The following RNF111 variants were observed in gnomAD, a reference collection of about 807,000 sequenced individuals.
RNF111 encodes ring finger protein 111, also known as E3 ubiquitin-protein ligase Arkadia.
RNF111 carries 17 observed loss-of-function variants against 95.1 expected under a neutral mutation model. The ratio of observed to expected loss-of-function variants is 0.18; its 90% CI spans 0.12 to 0.27. The LOEUF (loss-of-function observed/expected upper bound fraction) is 0.27. Ranked by LOEUF, RNF111 falls within the 10% of genes least tolerant of loss-of-function variation. The probability of loss-of-function intolerance (pLI) is 1.00; values close to 1 mark genes in which losing one functional copy is unlikely to be tolerated. For synonymous variants in RNF111, 440 were observed against 414.8 expected (o/e 1.06, Z -0.74); for missense variants, 1,189 against 1,210.4 (o/e 0.98, Z 0.26).
At chr15:59,092,752 T>C (rs748952538) in intron 13 of RNF111, 112 bp downstream of exon 13, 63 of 1,100,052 alleles carry the variant, frequency 5.7e-5, no homozygotes, top group Non-Finnish European at 7.2e-5. Context: ...CCAGCACTTT[T>C]TGAGGCCAAG....
intron 5 of RNF111, among the ~76,000 whole-genome samples, chr15:59,062,728 C>T (rs2042494836): frequency 6.6e-6 from 1 of 152,150 alleles, no homozygotes; most frequent in African/African-American, 2.4e-5. Flanking sequence ...GGTGAAGTAA[C>T]ATATCCAAGG....
intron 1 of RNF111, among the ~76,000 whole-genome samples, chr15:59,019,105 A>ATT (rs35154303): frequency 1.6e-5 from 2 of 121,286 alleles, no homozygotes; most frequent in Non-Finnish European, 1.7e-5. Context: ...GTATTTTTGT[A>ATT]TTTTTTTTTT....
rs2043163952 is a variant in RNF111 at position 59,076,301 on chromosome 15, G to C, written c.1948+86G>C. ...CCTTATGAAATAACCTTTAATCCCA[G>C]TTCTTAAATTTTTAGTATTTACTTG... On this transcript the variant is annotated intron_variant, in intron 7 of 13. Coordinates refer to ENST00000348370, the MANE Select transcript of RNF111 (RefSeq NM_017610.8). 8.2e-6 allele frequency: 12 copies of C among 1,454,952 alleles called. No homozygotes were observed. In the South Asian group the frequency reaches 1.3e-4, roughly 16 times the overall value. The allele number at this position is 1,454,952 out of a possible 1,614,324, so 90.1% of individuals were successfully genotyped here.
intron 2 of RNF111, among the ~76,000 whole-genome samples, chr15:59,051,495 G>A (rs1298180101): frequency 1.3e-5 from 2 of 149,892 alleles, no homozygotes; most frequent in African/African-American, 2.5e-5. Context: ...ACAAATTTTG[G>A]CTGGGTGCAG....
At position 59,042,174 on chromosome 15, in the gene RNF111, G is replaced by T. The variant is rs150305127; in HGVS notation, c.881-10131G>T. Reference sequence around the variant, plus strand: ...GGATCTCACTCTGTCACCCAGGATGGAGTGCAGCATATTGCTGCCTCGGCT... The same window carrying T: ...GGATCTCACTCTGTCACCCAGGATGTAGTGCAGCATATTGCTGCCTCGGCT... On this transcript the variant is annotated intron_variant, in intron 2 of 13. Coordinates refer to ENST00000348370, the MANE Select transcript of RNF111 (RefSeq NM_017610.8). Among the ~76,000 whole-genome samples, 313 of 151,906 alleles carry T rather than the reference G, an allele frequency of 2.1e-3. 1 individual carries two copies. The highest frequency in any genetic ancestry group is 7.1e-3 in the African/African-American group (296 of 41,408).
chr15:59,059,729 C>G (rs188296440), intron 5 of RNF111, among the ~76,000 whole-genome samples: 2 of 152,236 alleles, frequency 1.3e-5, no homozygotes, highest in African/African-American at 4.8e-5. Context: ...CTCTGGCTCT[C>G]TCTTATATCC....
intron 1 of RNF111, among the ~76,000 whole-genome samples, chr15:59,013,223 A>T (rs2039912226): frequency 6.6e-6 from 1 of 152,206 alleles, no homozygotes; most frequent in African/African-American, 2.4e-5. Context: ...TTACATTTAC[A>T]TTGCAAAAAT....
chr15:59,041,961 A>ATTTTTTTTTTTTT (rs79347638), intron 2 of RNF111, among the ~76,000 whole-genome samples: 6 of 100,106 alleles, frequency 6.0e-5, no homozygotes, highest in African/African-American at 1.2e-4. Flanking sequence ...GTCTGTTCAT[A>ATTTTTTTTTTTTT]TTTTTTTTTT....
chr15:59,000,724 A>G (rs1046921720), intron 1 of RNF111, among the ~76,000 whole-genome samples: 6 of 151,880 alleles, frequency 4.0e-5, no homozygotes, highest in Non-Finnish European at 5.9e-5. Context: ...AAAAAAAAAA[A>G]GATAACTGCT....
In RNF111 at chr15:59,091,216, C is replaced by CT. The variant is rs1181265183; in HGVS notation, c.2739+68dup. On this transcript the variant is annotated intron_variant, in intron 12 of 13. Transcript: ENST00000348370. ...TGAAAGGCATAAATGTAATATATACCTTTTTTGAATTTGTAGACTCTAGCA... is the reference window on the plus strand; with the variant it reads ...TGAAAGGCATAAATGTAATATATACCTTTTTTTGAATTTGTAGACTCTAGCA... 1.7e-5 allele frequency: 15 copies of CT among 904,614 alleles called. No individual in the cohort carries two copies. In the Admixed American group the frequency reaches 2.2e-4, roughly 13 times the overall value. 56.0% of individuals were successfully genotyped at this position (904,614 alleles called of 1,614,324 possible).
At chr15:59,091,225 A>C in intron 12 of RNF111, 71 bp downstream of exon 12, 1 of 816,300 alleles carries the variant, frequency 1.2e-6, no homozygotes, top group Non-Finnish European at 2.0e-6. Flanking sequence ...CCTTTTTTGA[A>C]TTTGTAGACT....
chr15:59,032,079 C>G lies in RNF111; in HGVS notation c.880+377C>G, dbSNP rs563671631. The stretch of plus-strand genomic sequence containing the variant: ...TCAGCCTCCCAAGTAGCCAGGATTA[C>G]AGGTGCCCACCACCATGCCCAGCTA... On this transcript the variant is annotated intron_variant, in intron 2 of 13. Transcript: ENST00000348370. Among the ~76,000 whole-genome samples, 3 of 152,174 alleles carry G rather than the reference C, an allele frequency of 2.0e-5. No individual in the cohort carries two copies. The East Asian group carries it at 5.8e-4, about 29-fold the overall frequency.
chr15:59,042,579 G>A (rs1276715777), intron 2 of RNF111, among the ~76,000 whole-genome samples: 13 of 152,100 alleles, frequency 8.5e-5, no homozygotes, highest in Admixed American at 8.5e-4. Context: ...TTAACATTTA[G>A]AGCATAGATC....
chr15:59,002,704 G>A (rs2039376069), intron 1 of RNF111, among the ~76,000 whole-genome samples: 1 of 152,126 alleles, frequency 6.6e-6, no homozygotes, highest in South Asian at 2.1e-4. Flanking sequence ...TAAAAATGTG[G>A]CACACAGTTC....
At chr15:59,082,334 C>T (rs1000782777) in intron 8 of RNF111, among the ~76,000 whole-genome samples, 26 of 151,886 alleles carry the variant, frequency 1.7e-4, no homozygotes, top group Non-Finnish European at 3.1e-4. Flanking sequence ...TCTGCAATAT[C>T]GTGTGGTAAA....
chr15:58,992,634 G>C (rs1357362012), intron 1 of RNF111, among the ~76,000 whole-genome samples: 4 of 152,016 alleles, frequency 2.6e-5, no homozygotes, highest in African/African-American at 9.7e-5. Flanking sequence ...GCTGGGCAAT[G>C]TGACGAAATT....
At chr15:59,027,190 G>A (rs1310038770) in intron 1 of RNF111, among the ~76,000 whole-genome samples, 2 of 152,114 alleles carry the variant, frequency 1.3e-5, no homozygotes, top group African/African-American at 4.8e-5. Context: ...CGGATGAGGA[G>A]TCTAATTTTT....
At chr15:59,022,169 A>G (rs1343531945) in intron 1 of RNF111, among the ~76,000 whole-genome samples, 2 of 152,072 alleles carry the variant, frequency 1.3e-5, no homozygotes, top group Admixed American at 6.5e-5. Context: ...CAAGCTTCCT[A>G]TAAAATATTT....
intron 1 of RNF111, among the ~76,000 whole-genome samples, chr15:59,025,755 A>G (rs1344208624): frequency 1.3e-5 from 2 of 148,424 alleles, no homozygotes; most frequent in East Asian, 3.9e-4. Context: ...TTTGTGTCGG[A>G]ATTTTGCTCT....
Sources: allele counts gnomAD v4.1 joint callset (sites outside exome capture counted in the v4.1 genomes callset), GRCh38; gene constraint gnomAD v4.1.1; transcripts MANE v1.5; gene names NCBI Gene and HGNC (gene_info 2026-07-23, HGNC 2026-07-21).